The following REPS2 variants were observed in gnomAD, a reference collection of about 807,000 sequenced individuals.
REPS2 encodes ralBP1-associated Eps domain-containing protein 2.
Under a neutral mutation model 53.6 loss-of-function variants are expected in REPS2, and 23 were observed. The ratio of observed to expected loss-of-function variants is 0.43; its 90% CI spans 0.31 to 0.61. The LOEUF (loss-of-function observed/expected upper bound fraction) is 0.61. Ranked by LOEUF, REPS2 falls within the 20% of genes least tolerant of loss-of-function variation. REPS2 has a pLI of 0.11. For synonymous variants in REPS2, 238 were observed against 218.6 expected (o/e 1.09, Z -0.78); for missense variants, 446 against 534.9 (o/e 0.83, Z 1.64).
rs899724484 is a variant in REPS2, at chrX:17,152,170, G to A, written c.*4689G>A. 2.7e-5 allele frequency: 3 copies of A among 112,051 alleles called. No individual in the cohort carries two copies. Among genetic ancestry groups the A allele is most frequent in the African/African-American group, 9.7e-5 (3 of 30,801 alleles). 9.2% of individuals were successfully genotyped at this position (112,051 alleles called of 1,213,427 possible). On this transcript the variant is annotated 3_prime_UTR_variant, in exon 18 of 18. Transcript: ENST00000357277. The stretch of plus-strand genomic sequence containing the variant: ...GCAACGCAAGCAGATTCGAAGAGCT[G>A]TTGCCCTCTTCTAAAAAAGGCTTTT...
chrX:17,138,625 T>C, intron 16 of REPS2: 1 of 267,479 alleles, frequency 3.7e-6, no homozygotes, highest in Non-Finnish European at 6.6e-6. Context: ...TTCACAGCTT[T>C]TATTCAAGTT....
At chrX:16,947,235 G>T (rs972918945) in intron 1 of REPS2, 101 bp downstream of exon 1, 7 of 916,777 alleles carry the variant, frequency 7.6e-6, no homozygotes, top group East Asian at 4.8e-5. Context: ...GGACCCGGAG[G>T]CCTCGGCCAG....
At chrX:17,046,551 T>C (rs1420415272) in intron 5 of REPS2, among the ~76,000 whole-genome samples, 7 of 111,644 alleles carry the variant, frequency 6.3e-5, no homozygotes, top group Non-Finnish European at 1.3e-4. Context: ...AGTCTTAGGG[T>C]TCATGGGAGG....
the REPS2 span, among the ~76,000 whole-genome samples, chrX:17,160,698 G>A: frequency 8.9e-6 from 1 of 112,133 alleles, no homozygotes; most frequent in Admixed American, 9.4e-5. Context: ...CTCAAAGGGT[G>A]GGACCAAGAG....
intron 5 of REPS2, chrX:17,044,262 T>C (rs1013334163): frequency 2.7e-5 from 3 of 111,580 alleles, no homozygotes; most frequent in African/African-American, 9.8e-5. Context: ...AGCAGCTTCA[T>C]GAGCAGGAGG....
the REPS2 span, among the ~76,000 whole-genome samples, chrX:17,163,562 A>G: frequency 8.9e-6 from 1 of 112,156 alleles, no homozygotes; most frequent in Non-Finnish European, 1.9e-5. Context: ...AATCAAAGGT[A>G]AAGAAAGAAT....
rs184640263 is a variant in REPS2, at chrX:17,016,927, G to A, written c.398-5196G>A. Among the ~76,000 whole-genome samples, 16 of 110,565 alleles carry A rather than the reference G, an allele frequency of 1.4e-4. No individual in the cohort carries two copies. In the East Asian group the frequency reaches 3.9e-3, roughly 27 times the overall value. On this transcript the variant is annotated intron_variant, in intron 2 of 17. Transcript: ENST00000357277. ...TTCACAGCAGCTTTATTTACAATGG[G>A]CCCACACTGGAAACAACCCAAATGT...
At chrX:17,115,669 T>A (rs1461010886) in intron 14 of REPS2, among the ~76,000 whole-genome samples, 3 of 112,057 alleles carry the variant, frequency 2.7e-5, no homozygotes, top group Non-Finnish European at 5.6e-5. Context: ...TAGGCAGAGG[T>A]CCCTGCGGCC....
At chrX:17,020,182 A>G (rs1305012257) in intron 2 of REPS2, among the ~76,000 whole-genome samples, 1 of 112,161 alleles carries the variant, frequency 8.9e-6, no homozygotes, top group African/African-American at 3.2e-5. Context: ...AAGTCCTAAT[A>G]TAATAATTGA....
At chrX:17,100,538 C>G (rs1051914737) in intron 13 of REPS2, among the ~76,000 whole-genome samples, 1 of 112,449 alleles carries the variant, frequency 8.9e-6, no homozygotes, top group African/African-American at 3.2e-5. Context: ...GTGCTGCCCA[C>G]TGCCCACTGC....
At chrX:16,975,555 A>C (rs1427037151) in intron 1 of REPS2, among the ~76,000 whole-genome samples, 1 of 111,025 alleles carries the variant, frequency 9.0e-6, no homozygotes, top group Non-Finnish European at 1.9e-5. Flanking sequence ...TTTTGTCTGG[A>C]ATACTGCATA....
chrX:17,147,188 T>G (rs2063524497), intron 17 of REPS2, among the ~76,000 whole-genome samples: 1 of 111,504 alleles, frequency 9.0e-6, no homozygotes, highest in African/African-American at 3.3e-5. Context: ...TCAGTTTCAT[T>G]TCATCACGTT....
At chrX:17,026,580 A>G (rs140674292) in intron 4 of REPS2, among the ~76,000 whole-genome samples, 1,184 of 109,192 alleles carry the variant, frequency 0.011, 10 homozygotes, top group Non-Finnish European at 0.017. Context: ...TATTCCTTAG[A>G]AAACTTTTCT....
At chrX:16,960,208 T>TA (rs1212431277) in intron 1 of REPS2, among the ~76,000 whole-genome samples, 19 of 107,747 alleles carry the variant, frequency 1.8e-4, no homozygotes, top group African/African-American at 4.4e-4. Flanking sequence ...TACAAAAAAT[T>TA]AAAAAAAAAT....
intron 16 of REPS2, chrX:17,137,370 G>A (rs1258531883): frequency 9.0e-6 from 1 of 111,335 alleles, no homozygotes; most frequent in Non-Finnish European, 1.9e-5. Context: ...TTTCTTTTGT[G>A]GCTAACGACA....
intron 13 of REPS2, among the ~76,000 whole-genome samples, chrX:17,098,916 A>G (rs1410302773): frequency 9.0e-6 from 1 of 111,641 alleles, no homozygotes; most frequent in Non-Finnish European, 1.9e-5. Flanking sequence ...GATATTTATA[A>G]CTTTATTATT....
rs967964708 is a variant in REPS2 at position 17,148,906 on chromosome X, A to G, written c.*1425A>G. 1.6e-5 allele frequency: 6 copies of G among 372,622 alleles called. No individual in the cohort carries two copies. Among genetic ancestry groups the G allele is most frequent in the Middle Eastern group, 4.3e-4 (1 of 2,345 alleles). 30.7% of individuals were successfully genotyped at this position (372,622 alleles called of 1,213,427 possible). On this transcript the variant is annotated 3_prime_UTR_variant, in exon 18 of 18. Coordinates refer to ENST00000357277, the MANE Select transcript of REPS2 (RefSeq NM_004726.3). ...TGAAGCAGTTTTGGATAGGTTTGCA[A>G]TATGTGGGATTCAGCCTTTGATTTC... is the stretch of plus-strand genomic sequence containing the variant.
intron 5 of REPS2, among the ~76,000 whole-genome samples, chrX:17,036,487 G>A (rs772913141): frequency 3.0e-4 from 33 of 111,786 alleles, no homozygotes; most frequent in East Asian, 1.7e-3. Context: ...TTGGACCAGA[G>A]ATATACTGGA....
At chrX:17,194,200 C>T in the REPS2 span, among the ~76,000 whole-genome samples, 1 of 111,267 alleles carries the variant, frequency 9.0e-6, no homozygotes, top group Non-Finnish European at 1.9e-5. Flanking sequence ...AAGTACAGAC[C>T]CTAAAGTTCA....
Sources: gnomAD v4.1 joint callset for allele counts (sites outside exome capture counted in the v4.1 genomes callset) on GRCh38, gnomAD v4.1.1 for gene constraint, MANE v1.5 for transcripts, NCBI Gene and HGNC (gene_info 2026-07-23, HGNC 2026-07-21) for gene names.